RABGAP1L: variants seen among roughly 807,000 people sequenced by gnomAD.
RABGAP1L encodes the protein rab GTPase-activating protein 1-like.
Under a neutral mutation model 137.7 loss-of-function variants are expected in RABGAP1L, and 63 were observed. The observed-to-expected ratio is 0.46, with a 90% CI of 0.37 to 0.56. The LOEUF is 0.56. Among genes scored for constraint, RABGAP1L ranks in the 20% least tolerant of loss-of-function variants. The probability of loss-of-function intolerance (pLI) is 0.00; values close to 1 mark genes in which losing one functional copy is unlikely to be tolerated. For missense variants in RABGAP1L, 1,095 were observed against 1,244.0 expected (o/e 0.88, Z 1.80); for synonymous variants, 431 against 433.7 (o/e 0.99, Z 0.08).
chr1:174,782,156 C>A (rs1687063202), intron 18 of RABGAP1L, among the ~76,000 whole-genome samples: 1 of 152,112 alleles, frequency 6.6e-6, no homozygotes, highest in African/African-American at 2.4e-5. Flanking sequence ...TTACCTTGGG[C>A]AGTATGGCCA....
Position 174,811,854 on chromosome 1 carries a change from A to G in RABGAP1L, c.2234A>G (p.Gln745Arg). 7 of 1,599,488 alleles carry G rather than the reference A, an allele frequency of 4.4e-6. No homozygotes were observed. Among genetic ancestry groups the G allele is most frequent in the Non-Finnish European group, 6.0e-6 (7 of 1,173,240 alleles). Residue 745 changes from glutamine to arginine, a missense_variant, in exon 19 of 26, where the codon CAG becomes CGG. By Grantham distance (43) the Gln-to-Arg change is conservative. This residue lies in a region of RABGAP1L where 312 missense variants were observed against 435.6 expected (regional missense o/e 0.72). Transcript: ENST00000681986. ...LLKTSKEDLL[Q>R]ADFEGALKFF... is the part of the protein sequence containing the mutation. The stretch of plus-strand genomic sequence containing the variant: ...CAGACCTCAAAGGAAGACCTTCTGC[A>G]GGCTGATTTTGAAGGTGCTTTAAAG...
rs1367889603 is a variant in RABGAP1L at position 174,992,988 on chromosome 1, C to CTAT, written c.*2989_*2991dup. On this transcript the variant is annotated 3_prime_UTR_variant, in exon 26 of 26. Coordinates refer to ENST00000681986, the MANE Select transcript of RABGAP1L (RefSeq NM_001366446.1). Reference sequence around the variant, plus strand: ...TGCAGTATCTAAGAATTGATCATTTCTATTTTCATTAAATTCTGTGGAAAA... The same window carrying CTAT: ...TGCAGTATCTAAGAATTGATCATTTCTATTATTTTCATTAAATTCTGTGGAAAA... The CTAT allele has an allele frequency of 6.6e-5, 10 of 152,154 alleles. No individual in the cohort carries two copies. Among genetic ancestry groups the CTAT allele is most frequent in the African/African-American group, 2.2e-4 (9 of 41,432 alleles). 9.4% of individuals were successfully genotyped at this position (152,154 alleles called of 1,614,324 possible). A position where few individuals can be genotyped will look rare whatever the true frequency, so the allele number is the denominator to read the frequency against.
At chr1:174,376,362 A>C (rs201682750) in intron 12 of RABGAP1L, among the ~76,000 whole-genome samples, 31,636 of 151,996 alleles carry the variant, frequency 0.21, 3,603 homozygotes, top group Admixed American at 0.24. Context: ...CCATGATATC[A>C]AAACCGGATG....
At chr1:174,261,823 G>A (rs1673601297) in intron 7 of RABGAP1L, among the ~76,000 whole-genome samples, 1 of 152,178 alleles carries the variant, frequency 6.6e-6, no homozygotes, top group Non-Finnish European at 1.5e-5. Context: ...TGATTTGGAT[G>A]TTTTATTCTC....
At chr1:174,533,988 A>G (rs1385728502) in intron 13 of RABGAP1L, among the ~76,000 whole-genome samples, 1 of 152,022 alleles carries the variant, frequency 6.6e-6, no homozygotes. Flanking sequence ...ATATGTGTTA[A>G]TCAACTGTTT....
At chr1:174,345,222 G>A (rs1682332522) in intron 11 of RABGAP1L, among the ~76,000 whole-genome samples, 1 of 152,118 alleles carries the variant, frequency 6.6e-6, no homozygotes, top group Non-Finnish European at 1.5e-5. Context: ...CAGGTAATGT[G>A]ATTCTTCCAG....
At chr1:174,241,343 A>C (rs1671808397) in intron 4 of RABGAP1L, 140 bp from the exon 5 acceptor site, 1 of 535,050 alleles carries the variant, frequency 1.9e-6, no homozygotes, top group Non-Finnish European at 2.9e-6. Flanking sequence ...CAAAACAAAA[A>C]AGATAGTTAT....
At chr1:174,868,393 T>C (rs1357945605) in intron 19 of RABGAP1L, among the ~76,000 whole-genome samples, 1 of 152,190 alleles carries the variant, frequency 6.6e-6, no homozygotes, top group Admixed American at 6.5e-5. Flanking sequence ...AGGTTTTAAA[T>C]ATGTGTTATT....
chr1:174,834,132 G>T (rs1692471098), intron 19 of RABGAP1L, among the ~76,000 whole-genome samples: 1 of 152,110 alleles, frequency 6.6e-6, no homozygotes. Flanking sequence ...TCCTGATATA[G>T]AAGTAAATTC....
chr1:174,405,864 G>C (rs1334563806), intron 13 of RABGAP1L, among the ~76,000 whole-genome samples: 1 of 152,086 alleles, frequency 6.6e-6, no homozygotes, highest in Non-Finnish European at 1.5e-5. Flanking sequence ...TGTAGTCCCA[G>C]CTACTTGGGA....
chr1:174,970,263 A>G (rs1303729073), intron 21 of RABGAP1L, among the ~76,000 whole-genome samples: 1 of 152,198 alleles, frequency 6.6e-6, no homozygotes, highest in East Asian at 1.9e-4. Flanking sequence ...GCCTTACCTC[A>G]GTGGTCATAT....
At position 174,448,319 on chromosome 1, in the gene RABGAP1L, C is replaced by T. The variant is rs1655022871; in HGVS notation, c.1710+54174C>T. The T allele has an allele frequency of 1.9e-6, 3 of 1,613,406 alleles. No homozygotes were observed. The highest frequency in any genetic ancestry group is 1.6e-4 in the Middle Eastern group (1 of 6,084). On this transcript the variant is annotated intron_variant, in intron 13 of 25. Coordinates refer to ENST00000681986, the MANE Select transcript of RABGAP1L (RefSeq NM_001366446.1). The surrounding 1 kb of genome is among the most constrained non-coding windows in gnomAD (Gnocchi z 4.2). ...TATCTTTGTCTTTCATTGTGCTCCA[C>T]TGTTACATCATTATACTACCAGCTA...
intron 10 of RABGAP1L, among the ~76,000 whole-genome samples, chr1:174,288,022 A>C (rs1676225211): frequency 6.6e-6 from 1 of 152,038 alleles, no homozygotes; most frequent in African/African-American, 2.4e-5. Context: ...AATTACCATG[A>C]GGCTTACATA....
chr1:174,495,613 T>C (rs1660667993), intron 13 of RABGAP1L, among the ~76,000 whole-genome samples: 1 of 152,256 alleles, frequency 6.6e-6, no homozygotes, highest in Non-Finnish European at 1.5e-5. Context: ...CATTCAGTTC[T>C]GTATACACAA....
chr1:174,623,946 A>T (rs959138222), intron 13 of RABGAP1L, among the ~76,000 whole-genome samples: 8 of 152,230 alleles, frequency 5.3e-5, no homozygotes, highest in Non-Finnish European at 4.4e-5. Context: ...TAGTAAAAGC[A>T]GATGAAACCA....
chr1:174,198,101 G>GT (rs1361860904), intron 1 of RABGAP1L, among the ~76,000 whole-genome samples: 1 of 152,120 alleles, frequency 6.6e-6, no homozygotes, highest in Admixed American at 6.6e-5. Flanking sequence ...TGCTTATTAT[G>GT]ACTTAGAAAC....
At chr1:174,964,904 C>T (rs1184690662) in intron 20 of RABGAP1L, 6 of 1,467,796 alleles carry the variant, frequency 4.1e-6, no homozygotes, top group East Asian at 2.5e-5. Context: ...AGTAGGTGTT[C>T]AATTTCATTG....
intron 19 of RABGAP1L, among the ~76,000 whole-genome samples, chr1:174,947,806 C>A (rs992291221): frequency 1.3e-5 from 2 of 152,170 alleles, no homozygotes; most frequent in Non-Finnish European, 2.9e-5. Context: ...TATGGTTTTT[C>A]TCTTCTTTAA....
chr1:174,565,768 G>A (rs12074753), intron 13 of RABGAP1L, among the ~76,000 whole-genome samples: 88,332 of 151,918 alleles, frequency 0.58, 27,993 homozygotes, highest in African/African-American at 0.85. Flanking sequence ...TTGTTGATTT[G>A]TTGTATAACA....
Sources: gnomAD v4.1 joint callset for allele counts (sites outside exome capture counted in the v4.1 genomes callset) on GRCh38, gnomAD v4.1.1 for gene constraint, gnomAD v4.1.1 regional missense constraint, Gnocchi (gnomAD v3.1) non-coding constraint, MANE v1.5 for transcripts, NCBI Gene and HGNC (gene_info 2026-07-23, HGNC 2026-07-21) for gene names.